The following ARHGEF4 variants were observed in gnomAD, a reference collection of about 807,000 sequenced individuals.
ARHGEF4 encodes APC-stimulated guanine nucleotide exchange factor 1.
In ARHGEF4, 119 loss-of-function variants were observed where a neutral mutation model predicts 162.0. The observed-to-expected ratio is 0.73, with a 90% CI of 0.63 to 0.86. ARHGEF4 has a LOEUF of 0.86. ARHGEF4 is among the 40% of genes least tolerant of loss of function. The pLI, the probability that ARHGEF4 is intolerant of heterozygous loss-of-function variation, is 0.00. For synonymous variants in ARHGEF4, 1,014 were observed against 979.9 expected, an observed-to-expected ratio of 1.03 and a Z score of -0.65; for missense variants, 2,488 against 2,456.0, an observed-to-expected ratio of 1.01 and a Z score of -0.28.
intron 4 of ARHGEF4, among the ~76,000 whole-genome samples, chr2:130,996,925 T>G (rs1056615282): frequency 3.9e-5 from 6 of 152,248 alleles, no homozygotes; most frequent in African/African-American, 1.4e-4. Context: ...TTTTTCTTGT[T>G]GATTTGCAAG....
Position 131,044,484 on chromosome 2 carries a change from G to T in ARHGEF4, c.5343G>T (p.Gln1781His), listed in dbSNP as rs377416304. The change falls in exon 12 of 14, where the codon CAG (glutamine) becomes CAT (histidine). Residue 1781 changes from glutamine to histidine, a missense_variant. Physicochemically the swap from Gln to His is conservative, Grantham distance 24 (BLOSUM62 0). Coordinates refer to ENST00000409359, the MANE Select transcript of ARHGEF4 (RefSeq NM_001367493.1). ...LLCTRKPEQK[Q>H]RWLKAFARER... ...GCACCAGGAAGCCCGAGCAGAAGCA[G>T]CGCTGGCTCAAGGCCTTTGCCAGGG... 1.9e-5 allele frequency: 29 copies of T among 1,552,748 alleles called. No homozygotes were observed. The African/African-American group carries it at 4.0e-4, about 21-fold the overall frequency.
chr2:130,906,099 T>G (rs749217213), intron 1 of ARHGEF4, among the ~76,000 whole-genome samples: 2 of 152,262 alleles, frequency 1.3e-5, no homozygotes, highest in Non-Finnish European at 2.9e-5. Flanking sequence ...GCTCCCATCC[T>G]TATTTTTAAT....
intron 2 of ARHGEF4, 35 bp downstream of exon 2, chr2:130,917,533 C>T: frequency 1.3e-6 from 2 of 1,519,604 alleles, no homozygotes; most frequent in Non-Finnish European, 1.8e-6. Flanking sequence ...CTTTCCTGAC[C>T]TCTGCAGGCA....
chr2:131,020,923 A>T lies in ARHGEF4; in HGVS notation c.3986-7022A>T, dbSNP rs1170399015. ...ATGGTATCTCATTGTTTTGATTTGC[A>T]TTTCTCTGATGGCCAGTGATGATGA... On this transcript the variant is annotated intron_variant, in intron 4 of 13. Coordinates refer to ENST00000409359, the MANE Select transcript of ARHGEF4 (RefSeq NM_001367493.1). 3.3e-5 allele frequency among the ~76,000 whole-genome samples: 5 copies of T among 152,128 alleles called. No individual in the cohort carries two copies. The South Asian group carries it at 1.0e-3, about 32-fold the overall frequency.
intron 4 of ARHGEF4, chr2:130,964,284 C>G: frequency 1.0e-6 from 1 of 985,290 alleles, no homozygotes; most frequent in Non-Finnish European, 1.2e-6. Context: ...CGCACGCGCC[C>G]TCCGCGCCCG....
chr2:130,851,473 T>C (rs1318394927), intron 1 of ARHGEF4, among the ~76,000 whole-genome samples: 1 of 152,190 alleles, frequency 6.6e-6, no homozygotes, highest in Non-Finnish European at 1.5e-5. Flanking sequence ...GTGCGGTTCA[T>C]GCGGGTTGGG....
At chr2:130,944,570 T>C (rs1683495143) in intron 3 of ARHGEF4, among the ~76,000 whole-genome samples, 7 of 152,246 alleles carry the variant, frequency 4.6e-5, no homozygotes, top group Admixed American at 4.6e-4. Context: ...CACTGGATTT[T>C]ATTTTAGTTA....
At chr2:130,948,060 G>A (rs1683727980) in intron 4 of ARHGEF4, among the ~76,000 whole-genome samples, 1 of 152,248 alleles carries the variant, frequency 6.6e-6, no homozygotes, top group South Asian at 2.1e-4. Context: ...TCCTGTCGGT[G>A]CCGAAGACCC....
At chr2:131,045,635 T>A (rs1396209745) in intron 13 of ARHGEF4, 189 bp downstream of exon 13, 1 of 1,532,646 alleles carries the variant, frequency 6.5e-7, no homozygotes, top group African/African-American at 1.4e-5. Flanking sequence ...CAGTATATGG[T>A]TGACATTCTT....
rs188203782 is a variant in ARHGEF4 at position 131,008,781 on chromosome 2, C to G, written c.3986-19164C>G. ...AGTCTACTAAAAGTAATATTTACCA[C>G]TTTATATAAAATGTAAGAATCTTGC... On this transcript the variant is annotated intron_variant, in intron 4 of 13. Coordinates refer to ENST00000409359, the MANE Select transcript of ARHGEF4 (RefSeq NM_001367493.1). Among the ~76,000 whole-genome samples the G allele has an allele frequency of 6.1e-3, 931 of 152,156 alleles. 33 individuals carry two copies. The highest frequency in any genetic ancestry group is 0.053 in the Admixed American group (805 of 15,284).
At chr2:131,020,435 C>A (rs1689044583) in intron 4 of ARHGEF4, among the ~76,000 whole-genome samples, 2 of 148,164 alleles carry the variant, frequency 1.3e-5, no homozygotes, top group Non-Finnish European at 3.0e-5. Context: ...TGAGAATATG[C>A]GGTGTTCGGT....
At chr2:130,921,766 A>G (rs890341012) in intron 2 of ARHGEF4, among the ~76,000 whole-genome samples, 32 of 152,024 alleles carry the variant, frequency 2.1e-4, no homozygotes, top group African/African-American at 7.7e-4. Context: ...ATCTCAGCTC[A>G]CTGCAACCTC....
intron 4 of ARHGEF4, among the ~76,000 whole-genome samples, chr2:131,010,351 A>G (rs1477454646): frequency 6.6e-6 from 1 of 152,212 alleles, no homozygotes; most frequent in Non-Finnish European, 1.5e-5. Context: ...TGCCTGCTTT[A>G]GGTCATTCTC....
At chr2:130,991,503 TC>T (rs1257470890) in intron 4 of ARHGEF4, among the ~76,000 whole-genome samples, 1 of 152,138 alleles carries the variant, frequency 6.6e-6, no homozygotes, top group Admixed American at 6.5e-5. Flanking sequence ...CAGCTGGAGT[TC>T]GGTGGGCGTG....
At position 131,028,018 on chromosome 2, in the gene ARHGEF4, C is replaced by T. The variant is rs753684103; in HGVS notation, c.4059C>T (p.Asp1353=). 5.0e-6 allele frequency: 8 copies of T among 1,613,902 alleles called. No individual in the cohort carries two copies. The highest frequency in any genetic ancestry group is 6.8e-6 in the Non-Finnish European group (8 of 1,180,036). Residue 1353 remains aspartate (D), a synonymous_variant, in exon 5 of 14, where the codon GAC becomes GAT. Transcript: ENST00000409359. ...EVGSEEDLYD[D]LHSSSHHYSH... is the part of the protein sequence containing the mutation. ...GGAGCGAGGAGGACCTGTATGATGA[C>T]CTGCACAGCTCCAGCCACCACTACA...
At chr2:131,040,465 A>C (rs1371105934) in intron 8 of ARHGEF4, 25 bp downstream of exon 8, 5 of 1,522,826 alleles carry the variant, frequency 3.3e-6, no homozygotes, top group South Asian at 1.3e-5. Flanking sequence ...CCCGGCCCCT[A>C]CCTGGGCGCT....
At chr2:130,903,756 C>G (rs939714146) in intron 1 of ARHGEF4, among the ~76,000 whole-genome samples, 1 of 152,196 alleles carries the variant, frequency 6.6e-6, no homozygotes, top group Admixed American at 6.5e-5. Flanking sequence ...TTAGCTCCCA[C>G]TTACAAGTGA....
chr2:130,849,219 G>A (rs1574092208), intron 1 of ARHGEF4, among the ~76,000 whole-genome samples: 1 of 152,248 alleles, frequency 6.6e-6, no homozygotes, highest in Non-Finnish European at 1.5e-5. Context: ...AGAGTAACGG[G>A]AGAGTGATGA....
chr2:130,991,457 G>C (rs528453382), intron 4 of ARHGEF4, among the ~76,000 whole-genome samples: 1 of 152,244 alleles, frequency 6.6e-6, no homozygotes, highest in South Asian at 2.1e-4. Flanking sequence ...GGAGAGGCGC[G>C]AGCGGGAACC....
Sources: allele counts gnomAD v4.1 joint callset (sites outside exome capture counted in the v4.1 genomes callset), GRCh38; gene constraint gnomAD v4.1.1; transcripts MANE v1.5; gene names NCBI Gene and HGNC (gene_info 2026-07-23, HGNC 2026-07-21).